THSD7B: variants seen among roughly 807,000 people sequenced by gnomAD.
The protein encoded by THSD7B is thrombospondin type-1 domain-containing protein 7B.
Under a neutral mutation model 213.6 loss-of-function variants are expected in THSD7B, and 138 were observed. That is an observed-to-expected ratio of 0.65 (90% CI 0.56 to 0.74). The LOEUF (loss-of-function observed/expected upper bound fraction) is 0.74. THSD7B is among the 30% of genes least tolerant of loss of function. The probability of loss-of-function intolerance (pLI) is 0.00; values close to 1 mark genes in which losing one functional copy is unlikely to be tolerated. For missense variants in THSD7B, 1,931 were observed against 1,991.5 expected (o/e 0.97, Z 0.58); for synonymous variants, 742 against 687.0 (o/e 1.08, Z -1.25).
At chr2:137,025,045 A>G (rs946260682) in intron 2 of THSD7B, among the ~76,000 whole-genome samples, 5 of 152,122 alleles carry the variant, frequency 3.3e-5, no homozygotes, top group African/African-American at 1.2e-4. Flanking sequence ...AGCAGCCACA[A>G]GGATGAAGTA....
intron 12 of THSD7B, among the ~76,000 whole-genome samples, chr2:137,304,784 G>C (rs1460735820): frequency 6.6e-6 from 1 of 151,458 alleles, no homozygotes; most frequent in Non-Finnish European, 1.5e-5. Context: ...TTGTTTATTT[G>C]TTTAACAAAA....
chr2:137,117,529 T>C (rs754071213), intron 5 of THSD7B, among the ~76,000 whole-genome samples: 6 of 152,170 alleles, frequency 3.9e-5, no homozygotes, highest in Non-Finnish European at 7.3e-5. Context: ...TTTAGTAGTA[T>C]TGACTTTGGA....
At chr2:137,675,443 T>C (rs1683678236) in intron 27 of THSD7B, among the ~76,000 whole-genome samples, 1 of 116,230 alleles carries the variant, frequency 8.6e-6, no homozygotes, top group African/African-American at 3.4e-5. Flanking sequence ...TATATATATA[T>C]ATATGCGGAC....
At chr2:136,968,852 A>G (rs1462913406) in intron 2 of THSD7B, among the ~76,000 whole-genome samples, 1 of 152,148 alleles carries the variant, frequency 6.6e-6, no homozygotes, top group African/African-American at 2.4e-5. Flanking sequence ...ACACTTTGCA[A>G]CCAGACTCAC....
At chr2:137,364,455 G>T (rs909744118) in intron 12 of THSD7B, among the ~76,000 whole-genome samples, 1 of 152,264 alleles carries the variant, frequency 6.6e-6, no homozygotes, top group African/African-American at 2.4e-5. Context: ...AAGTCAAATT[G>T]TCCCTTTTTG....
intron 12 of THSD7B, among the ~76,000 whole-genome samples, chr2:137,403,351 G>T (rs1457990493): frequency 6.6e-6 from 1 of 152,158 alleles, no homozygotes; most frequent in African/African-American, 2.4e-5. Flanking sequence ...TCAGAATAAA[G>T]AACTGAATTC....
intron 10 of THSD7B, among the ~76,000 whole-genome samples, chr2:137,255,577 A>C (rs1216235068): frequency 6.6e-6 from 1 of 152,074 alleles, no homozygotes; most frequent in African/African-American, 2.4e-5. Flanking sequence ...AATACTTTCC[A>C]CTGCCTCCTT....
At position 137,176,924 on chromosome 2, in the gene THSD7B, C is replaced by T. The variant is rs530005752; in HGVS notation, c.1723+5986C>T. On this transcript the variant is annotated intron_variant, in intron 7 of 27. Coordinates refer to ENST00000409968, the MANE Select transcript of THSD7B (RefSeq NM_001316349.2). ...CATGGCTTCCCAATAAGTACTTGTCCGGGAATCTTTGTCACAGAGTTTCAT... is the reference window on the plus strand; with the variant it reads ...CATGGCTTCCCAATAAGTACTTGTCTGGGAATCTTTGTCACAGAGTTTCAT... Among the ~76,000 whole-genome samples the T allele has an allele frequency of 6.6e-5, 10 of 151,122 alleles. 1 individual carries two copies. The highest frequency in any genetic ancestry group is 1.3e-4 in the Non-Finnish European group (9 of 67,924).
chr2:136,780,983 A>G (rs559521798), intron 1 of THSD7B, among the ~76,000 whole-genome samples: 27 of 152,300 alleles, frequency 1.8e-4, no homozygotes, highest in African/African-American at 5.8e-4. Flanking sequence ...GAATGTGAAG[A>G]AGCATATAAA....
chr2:136,843,740 A>G (rs764112715), intron 1 of THSD7B, among the ~76,000 whole-genome samples: 16 of 152,102 alleles, frequency 1.1e-4, no homozygotes, highest in Admixed American at 5.2e-4. Context: ...TTTAGTTAGG[A>G]TGTTTCTCTG....
intron 15 of THSD7B, among the ~76,000 whole-genome samples, chr2:137,452,933 A>G (rs1487162552): frequency 1.3e-5 from 2 of 152,174 alleles, no homozygotes; most frequent in African/African-American, 4.8e-5. Context: ...AATTACATAA[A>G]TTCAATAAGT....
At chr2:136,888,197 A>T (rs1373339281) in intron 2 of THSD7B, among the ~76,000 whole-genome samples, 1 of 152,074 alleles carries the variant, frequency 6.6e-6, no homozygotes, top group Non-Finnish European at 1.5e-5. Context: ...TATATGCCAA[A>T]CTCTAGGAAA....
At chr2:137,343,499 T>C (rs1475963157) in intron 12 of THSD7B, among the ~76,000 whole-genome samples, 1 of 151,798 alleles carries the variant, frequency 6.6e-6, no homozygotes, top group African/African-American at 2.4e-5. Flanking sequence ...GTTTCAGTAA[T>C]TAAAGTATTA....
intron 12 of THSD7B, among the ~76,000 whole-genome samples, chr2:137,330,888 T>A (rs1458485382): frequency 6.6e-6 from 1 of 152,164 alleles, no homozygotes; most frequent in Non-Finnish European, 1.5e-5. Context: ...CCGAGTGGTC[T>A]GTTTTGACAG....
intron 14 of THSD7B, among the ~76,000 whole-genome samples, chr2:137,435,481 T>G (rs1393604069): frequency 1.3e-5 from 2 of 152,206 alleles, no homozygotes; most frequent in African/African-American, 4.8e-5. Flanking sequence ...TTAAAGATAC[T>G]GTTTTCTCCA....
chr2:137,006,542 C>T (rs777725832), intron 2 of THSD7B, among the ~76,000 whole-genome samples: 7 of 152,158 alleles, frequency 4.6e-5, no homozygotes, highest in Non-Finnish European at 7.4e-5. Flanking sequence ...CCTCATTCTA[C>T]TGGTTTGCTT....
intron 2 of THSD7B, among the ~76,000 whole-genome samples, chr2:136,995,927 AAC>A (rs1283582152): frequency 6.6e-6 from 1 of 152,240 alleles, no homozygotes; most frequent in Non-Finnish European, 1.5e-5. Flanking sequence ...CAGAGTTAAT[AAC>A]AGTGTATTCT....
intron 7 of THSD7B, among the ~76,000 whole-genome samples, chr2:137,187,276 T>C (rs1680568806): frequency 6.6e-6 from 1 of 152,074 alleles, no homozygotes; most frequent in Non-Finnish European, 1.5e-5. Context: ...GGTGGACAGG[T>C]GGCTTGTGAA....
chr2:137,063,185 C>T (rs1235207694), intron 3 of THSD7B, among the ~76,000 whole-genome samples: 3 of 146,444 alleles, frequency 2.0e-5, no homozygotes, highest in Non-Finnish European at 4.5e-5. Flanking sequence ...AAAGTGTATT[C>T]ATCTGTCTTG....
Sources: allele counts gnomAD v4.1 joint callset (sites outside exome capture counted in the v4.1 genomes callset), GRCh38; gene constraint gnomAD v4.1.1; transcripts MANE v1.5; gene names NCBI Gene and HGNC (gene_info 2026-07-23, HGNC 2026-07-21).